MILR1: variants seen among roughly 807,000 people sequenced by gnomAD.
MILR1 encodes mast cell immunoglobulin like receptor 1.
Under a neutral mutation model 18.5 loss-of-function variants are expected in MILR1, and 31 were observed. The ratio of observed to expected loss-of-function variants is 1.68; its 90% CI spans 1.26 to 2.26. MILR1 has a LOEUF of 2.26. MILR1 is among the 30% of genes most tolerant of loss of function. MILR1 has a pLI of 0.00. For missense variants in MILR1, 257 were observed against 157.4 expected (o/e 1.63, Z -3.38); for synonymous variants, 85 against 56.2 (o/e 1.51, Z -2.30).
the MILR1 span, chr17:64,497,093 C>A: frequency 5.1e-6 from 5 of 982,222 alleles, no homozygotes. Flanking sequence ...TGCTTGCGGG[C>A]GGCAGGCCCC....
At chr17:64,471,411 C>T (rs1555664563), downstream of MILR1, among the ~76,000 whole-genome samples, 1 of 152,178 alleles carries the variant, frequency 6.6e-6, no homozygotes, top group Non-Finnish European at 1.5e-5. Flanking sequence ...ACCTCCCCCA[C>T]TTCTAGACTA....
chr17:64,472,495 A>AAAAAAAAAAAAAAAC (rs2037704724), downstream of MILR1, among the ~76,000 whole-genome samples: 1 of 149,218 alleles, frequency 6.7e-6, no homozygotes, highest in African/African-American at 2.5e-5. Flanking sequence ...AAAAAAAAAA[A>AAAAAAAAAAAAAAAC]AAGAATAACT....
At chr17:64,460,275 C>A (rs1366408551) in intron 4 of MILR1, among the ~76,000 whole-genome samples, 3 of 152,048 alleles carry the variant, frequency 2.0e-5, no homozygotes, top group Non-Finnish European at 4.4e-5. Flanking sequence ...ATCTACCTGC[C>A]TTGGCCTCCC....
chr17:64,491,686 G>A, the MILR1 span: 3 of 1,151,970 alleles, frequency 2.6e-6, no homozygotes, highest in African/African-American at 4.6e-5. Flanking sequence ...GTGAAGAAGG[G>A]GAGCATCTCG....
chr17:64,497,066 C>T, the MILR1 span: 2 of 1,272,284 alleles, frequency 1.6e-6, no homozygotes, highest in East Asian at 2.4e-5. Flanking sequence ...ACGGCGCAGG[C>T]GCAACGGAGG....
chr17:64,492,522 T>A, the MILR1 span: 1 of 629,174 alleles, frequency 1.6e-6, no homozygotes, highest in African/African-American at 1.8e-5. Flanking sequence ...ACAATGAAAA[T>A]TGTTACAAAG....
the MILR1 span, among the ~76,000 whole-genome samples, chr17:64,476,981 C>G: frequency 6.6e-6 from 1 of 152,088 alleles, no homozygotes; most frequent in East Asian, 1.9e-4. Context: ...CATATCAACA[C>G]ATAAAAGTTA....
chr17:64,482,479 G>A, the MILR1 span, among the ~76,000 whole-genome samples: 8 of 151,958 alleles, frequency 5.3e-5, no homozygotes, highest in Non-Finnish European at 4.4e-5. Flanking sequence ...GTGCCACCAC[G>A]CCCAGCTAAT....
chr17:64,465,230 C>T (rs923957266), intron 5 of MILR1, among the ~76,000 whole-genome samples: 13 of 152,220 alleles, frequency 8.5e-5, no homozygotes, highest in African/African-American at 3.1e-4. Flanking sequence ...GCATGTTCCT[C>T]TGAAGGCCAG....
intron 3 of MILR1, among the ~76,000 whole-genome samples, chr17:64,455,516 C>T (rs2037272706): frequency 6.6e-6 from 1 of 151,972 alleles, no homozygotes; most frequent in African/African-American, 2.4e-5. Flanking sequence ...TGCAGTGGCA[C>T]CATCTCGGCT....
chr17:64,458,941 C>T (rs1467928515), intron 4 of MILR1, among the ~76,000 whole-genome samples: 17 of 152,128 alleles, frequency 1.1e-4, no homozygotes, highest in African/African-American at 4.1e-4. Flanking sequence ...CACATGTGGG[C>T]TGGGGCGTCC....
chr17:64,496,513 A>G, the MILR1 span: 1 of 1,613,464 alleles, frequency 6.2e-7, no homozygotes, highest in Non-Finnish European at 8.5e-7. Context: ...TTTCGCGTAG[A>G]GTTTCTGCAG....
At chr17:64,477,264 C>T in the MILR1 span, among the ~76,000 whole-genome samples, 1 of 152,152 alleles carries the variant, frequency 6.6e-6, no homozygotes, top group East Asian at 1.9e-4. Flanking sequence ...CATTTTCATT[C>T]CCTTGGATGG....
At chr17:64,482,327 C>CTTTTT in the MILR1 span, among the ~76,000 whole-genome samples, 1 of 128,566 alleles carries the variant, frequency 7.8e-6, no homozygotes, top group Non-Finnish European at 1.7e-5. Context: ...AAATTAAAAA[C>CTTTTT]TTTTTTTTTT....
chr17:64,453,436 G>T, intron 3 of MILR1, among the ~76,000 whole-genome samples: 1 of 150,886 alleles, frequency 6.6e-6, no homozygotes, highest in Non-Finnish European at 1.5e-5. Context: ...TCAGATAATA[G>T]TCTTATATCT....
intron 9 of MILR1, 145 bp from the exon 10 acceptor site, chr17:64,468,165 T>C: frequency 2.2e-6 from 1 of 445,928 alleles, no homozygotes; most frequent in Admixed American, 2.5e-5. Flanking sequence ...CCATGCTCCC[T>C]CCAAAAGTTG....
At chr17:64,460,017 TTTA>T (rs2037394481) in intron 4 of MILR1, among the ~76,000 whole-genome samples, 15 of 146,546 alleles carry the variant, frequency 1.0e-4, no homozygotes, top group African/African-American at 3.8e-4. Context: ...TATTTATTTA[TTTA>T]TTTATTTATT....
At chr17:64,469,207 C>A (rs553587580), downstream of MILR1, among the ~76,000 whole-genome samples, 37 of 152,258 alleles carry the variant, frequency 2.4e-4, no homozygotes, top group South Asian at 8.3e-4. Flanking sequence ...TTTAACCCAG[C>A]ATATCCAAAA....
At chr17:64,488,102 G>A in the MILR1 span, among the ~76,000 whole-genome samples, 18 of 151,164 alleles carry the variant, frequency 1.2e-4, 1 homozygote, top group South Asian at 1.9e-3. Context: ...AGTGGTTTAC[G>A]CCTATAATCC....
Sources: allele counts gnomAD v4.1 joint callset (sites outside exome capture counted in the v4.1 genomes callset), GRCh38; gene constraint gnomAD v4.1.1; transcripts MANE v1.5; gene names NCBI Gene and HGNC (gene_info 2026-07-23, HGNC 2026-07-21).